Variants in RGS7BP observed in about 807,000 individuals in gnomAD.
RGS7BP encodes regulator of G protein signaling 7-binding protein.
In RGS7BP, 9 loss-of-function variants were observed where a neutral mutation model predicts 31.3. That is an observed-to-expected ratio of 0.29 (90% confidence interval 0.17 to 0.50). The LOEUF (loss-of-function observed/expected upper bound fraction) is 0.50, where lower values mean the gene tolerates loss of function less well. Ranked by LOEUF, RGS7BP falls within the 20% of genes least tolerant of loss-of-function variation. The probability of loss-of-function intolerance (pLI) is 0.98; values close to 1 mark genes in which losing one functional copy is unlikely to be tolerated. For missense variants in RGS7BP, 274 were observed against 322.0 expected, an observed-to-expected ratio of 0.85 and a Z score of 1.14; for synonymous variants, 115 against 120.1, an observed-to-expected ratio of 0.96 and a Z score of 0.28.
chr5:64,586,109 G>A (rs775718454), intron 3 of RGS7BP, among the ~76,000 whole-genome samples: 12 of 152,156 alleles, frequency 7.9e-5, no homozygotes, highest in Non-Finnish European at 1.5e-4. Context: ...CAAGAAGAAG[G>A]CAAGGAGCCC....
intron 3 of RGS7BP, among the ~76,000 whole-genome samples, chr5:64,592,585 A>T (rs1742948374): frequency 6.6e-6 from 1 of 152,096 alleles, no homozygotes; most frequent in Non-Finnish European, 1.5e-5. Flanking sequence ...TCCAACAAGG[A>T]ACATCACATT....
chr5:64,559,252 T>C (rs535150525), intron 2 of RGS7BP, among the ~76,000 whole-genome samples: 2 of 152,156 alleles, frequency 1.3e-5, no homozygotes, highest in Non-Finnish European at 2.9e-5. Flanking sequence ...TCTTTTGTAC[T>C]CTTTCCCTTT....
chr5:64,584,836 A>T (rs1742699793), intron 3 of RGS7BP, among the ~76,000 whole-genome samples: 1 of 152,194 alleles, frequency 6.6e-6, no homozygotes, highest in Admixed American at 6.5e-5. Context: ...GGCCCTAAGA[A>T]TATCTTCTTA....
rs545175190 is a variant in RGS7BP at position 64,510,846 on chromosome 5, C to T, written c.332+2969C>T. On this transcript the variant is annotated intron_variant, in intron 2 of 5. Coordinates refer to ENST00000334025, the MANE Select transcript of RGS7BP (RefSeq NM_001029875.3). ...GGAGGAAAAGTAATACTTGGCTCCC[C>T]ATGCATTCCTCAAGACACCTGCCTC... is the stretch of plus-strand genomic sequence containing the variant. 3.9e-5 allele frequency among the ~76,000 whole-genome samples: 6 copies of T among 152,320 alleles called. No individual in the cohort carries two copies. The South Asian group carries it at 1.2e-3, about 32-fold the overall frequency.
intron 2 of RGS7BP, among the ~76,000 whole-genome samples, chr5:64,559,351 T>A (rs1419186379): frequency 1.3e-5 from 2 of 152,162 alleles, no homozygotes; most frequent in African/African-American, 4.8e-5. Flanking sequence ...TGGTTGGATG[T>A]TTACTGACAC....
intron 2 of RGS7BP, among the ~76,000 whole-genome samples, chr5:64,571,404 GA>G (rs1742297900): frequency 6.6e-6 from 1 of 152,048 alleles, no homozygotes; most frequent in African/African-American, 2.4e-5. Context: ...CTCTATTTGT[GA>G]ATATGTTTTT....
intron 2 of RGS7BP, among the ~76,000 whole-genome samples, chr5:64,517,250 T>C (rs1035576551): frequency 1.3e-5 from 2 of 152,160 alleles, no homozygotes; most frequent in Non-Finnish European, 2.9e-5. Context: ...CTCTCCTTAA[T>C]CAGTTTCAAA....
rs546294678 is a variant in RGS7BP, at chr5:64,526,159, C to T, written c.332+18282C>T. Among the ~76,000 whole-genome samples the T allele has an allele frequency of 2.6e-5, 4 of 152,306 alleles. 1 individual carries two copies. Among genetic ancestry groups the T allele is most frequent in the African/African-American group, 9.6e-5 (4 of 41,562 alleles). On this transcript the variant is annotated intron_variant, in intron 2 of 5. Coordinates refer to ENST00000334025, the MANE Select transcript of RGS7BP (RefSeq NM_001029875.3). Reference sequence around the variant, plus strand: ...CCAGATCTCAAATCCATTCCTTCTTCCTGACTAAACTTACGGGTTTATATA... The same window carrying T: ...CCAGATCTCAAATCCATTCCTTCTTTCTGACTAAACTTACGGGTTTATATA...
chr5:64,567,780 G>A (rs1191277611), intron 2 of RGS7BP, among the ~76,000 whole-genome samples: 1 of 152,136 alleles, frequency 6.6e-6, no homozygotes, highest in Non-Finnish European at 1.5e-5. Context: ...ACAGTTTAAT[G>A]TATTGACCCC....
At chr5:64,605,980 TG>T (rs1743347397) in intron 5 of RGS7BP, among the ~76,000 whole-genome samples, 2 of 145,636 alleles carry the variant, frequency 1.4e-5, no homozygotes, top group African/African-American at 5.1e-5. Flanking sequence ...TATGTATATC[TG>T]GATACATATA....
rs5868377 is a variant in RGS7BP, at chr5:64,523,336, A to ATT, written c.332+15467_332+15468dup. ...TGGGGAAATATTGGCCAAATGTGCC[A>ATT]TTTTTTTTTGGTGTGGCTTTTTCTT... On this transcript the variant is annotated intron_variant, in intron 2 of 5. Coordinates refer to ENST00000334025, the MANE Select transcript of RGS7BP (RefSeq NM_001029875.3). Among the ~76,000 whole-genome samples, 365 of 151,236 alleles carry ATT rather than the reference A, an allele frequency of 2.4e-3. 2 individuals are homozygous for ATT. The highest frequency in any genetic ancestry group is 3.4e-3 in the Non-Finnish European group (232 of 67,768).
intron 2 of RGS7BP, among the ~76,000 whole-genome samples, chr5:64,552,566 T>C (rs1034969792): frequency 6.6e-6 from 1 of 152,248 alleles, no homozygotes; most frequent in Middle Eastern, 3.2e-3. Flanking sequence ...ATTGCCTCTA[T>C]ACATGAAATA....
intron 2 of RGS7BP, among the ~76,000 whole-genome samples, chr5:64,546,881 T>A (rs1473344946): frequency 6.6e-6 from 1 of 152,166 alleles, no homozygotes; most frequent in African/African-American, 2.4e-5. Context: ...CAGACAAAAA[T>A]GTAGAGCATT....
At chr5:64,557,223 C>T (rs1741949125) in intron 2 of RGS7BP, among the ~76,000 whole-genome samples, 1 of 152,202 alleles carries the variant, frequency 6.6e-6, no homozygotes, top group African/African-American at 2.4e-5. Context: ...CACTACAGCA[C>T]TAGCAGCCAG....
intron 2 of RGS7BP, among the ~76,000 whole-genome samples, chr5:64,510,854 C>T (rs749668446): frequency 4.6e-5 from 7 of 152,204 alleles, no homozygotes; most frequent in Non-Finnish European, 8.8e-5. Context: ...CCCATGCATT[C>T]CTCAAGACAC....
At chr5:64,598,946 C>T (rs1743150026) in intron 5 of RGS7BP, among the ~76,000 whole-genome samples, 1 of 152,096 alleles carries the variant, frequency 6.6e-6, no homozygotes, top group Non-Finnish European at 1.5e-5. Flanking sequence ...GCTAAATTGG[C>T]CAAGGTCACA....
In RGS7BP at chr5:64,556,351, T is replaced by C. The variant is rs901188373; in HGVS notation, c.333-19423T>C. On this transcript the variant is annotated intron_variant, in intron 2 of 5. Coordinates refer to ENST00000334025, the MANE Select transcript of RGS7BP (RefSeq NM_001029875.3). ...TTGAAATGATTTAAAGTGGAAATGA[T>C]TTAAAGTGGAAAAATGTTTATGATA... Among the ~76,000 whole-genome samples, 11 of 75,378 alleles carry C rather than the reference T, an allele frequency of 1.5e-4. No homozygotes were observed. In the East Asian group the frequency reaches 1.7e-3, roughly 12 times the overall value. 49.5% of individuals were successfully genotyped at this position (75,378 alleles called of 152,430 possible). A position where few individuals can be genotyped will look rare whatever the true frequency, so the allele number is the denominator to read the frequency against.
At position 64,586,602 on chromosome 5, in the gene RGS7BP, C is replaced by T. The variant is rs185932428; in HGVS notation, c.464-8108C>T. Reference sequence around the variant, plus strand: ...AGCATTTCCATGACACTAATAATGGCATATGTTACATTGAGAGGTGGTTGC... The same window carrying T: ...AGCATTTCCATGACACTAATAATGGTATATGTTACATTGAGAGGTGGTTGC... On this transcript the variant is annotated intron_variant, in intron 3 of 5. Coordinates refer to ENST00000334025, the MANE Select transcript of RGS7BP (RefSeq NM_001029875.3). 5.6e-4 allele frequency among the ~76,000 whole-genome samples: 86 copies of T among 152,316 alleles called. 1 individual carries two copies. The South Asian group carries it at 0.016, about 28-fold the overall frequency.
chr5:64,546,988 A>T lies in RGS7BP; in HGVS notation c.333-28786A>T, dbSNP rs142069475. Reference sequence around the variant, plus strand: ...CCCAATCAAAATTCTGACTTCCATCACCATACTTTTGCCAGTTCTTAAACT... The same window carrying T: ...CCCAATCAAAATTCTGACTTCCATCTCCATACTTTTGCCAGTTCTTAAACT... On this transcript the variant is annotated intron_variant, in intron 2 of 5. Coordinates refer to ENST00000334025, the MANE Select transcript of RGS7BP (RefSeq NM_001029875.3). 2.3e-3 allele frequency among the ~76,000 whole-genome samples: 345 copies of T among 152,268 alleles called. 5 individuals are homozygous for T. The highest frequency in any genetic ancestry group is 7.3e-3 in the African/African-American group (303 of 41,552).
Sources: gnomAD v4.1 joint callset for allele counts (sites outside exome capture counted in the v4.1 genomes callset) on GRCh38, gnomAD v4.1.1 for gene constraint, MANE v1.5 for transcripts, NCBI Gene and HGNC (gene_info 2026-07-23, HGNC 2026-07-21) for gene names.